The following TMEM207 variants were observed in gnomAD, a reference collection of about 807,000 sequenced individuals.
The protein encoded by TMEM207 is transmembrane protein 207.
In TMEM207, 15 loss-of-function variants were observed where a neutral mutation model predicts 17.4. That is an observed-to-expected ratio of 0.86 (90% CI 0.58 to 1.33). TMEM207 has a LOEUF of 1.33. Ranked by LOEUF, TMEM207 falls within the 40% of genes most tolerant of loss-of-function variation. TMEM207 has a pLI of 0.00. For missense variants in TMEM207, 205 were observed against 173.8 expected, an observed-to-expected ratio of 1.18 and a Z score of -1.01; for synonymous variants, 70 against 65.6, an observed-to-expected ratio of 1.07 and a Z score of -0.33.
rs1427820861 is a variant in TMEM207, at chr3:190,428,664, T to C, written c.*931A>G. On this transcript the variant is annotated 3_prime_UTR_variant, in exon 5 of 5. Transcript: ENST00000354905. ...GTTTGGTCAAACTAAATTTTAGATA[T>C]CTATTGATGTTTATTGTTTTGTTCA... is the stretch of plus-strand genomic sequence containing the variant. 8 of 152,174 alleles carry C rather than the reference T, an allele frequency of 5.3e-5. No homozygotes were observed. Among genetic ancestry groups the C allele is most frequent in the Non-Finnish European group, 8.8e-5 (6 of 68,028 alleles). 9.4% of individuals were successfully genotyped at this position (152,174 alleles called of 1,614,324 possible). A position where few individuals can be genotyped will look rare whatever the true frequency, so the allele number is the denominator to read the frequency against.
At chr3:190,439,050 G>A (rs181038218) in intron 4 of TMEM207, among the ~76,000 whole-genome samples, 3 of 151,680 alleles carry the variant, frequency 2.0e-5, no homozygotes, top group East Asian at 1.9e-4. Flanking sequence ...GGTGGCGGGC[G>A]CCTGTAGTCC....
intron 1 of TMEM207, 63 bp downstream of exon 1, chr3:190,449,672 T>C: frequency 6.8e-7 from 1 of 1,479,886 alleles, no homozygotes. Flanking sequence ...CTATAGCAAA[T>C]CAAGTCCTCA....
chr3:190,439,981 T>A (rs887021521), intron 4 of TMEM207, among the ~76,000 whole-genome samples: 17 of 152,186 alleles, frequency 1.1e-4, no homozygotes, highest in African/African-American at 4.1e-4. Flanking sequence ...CTTCTTCTCT[T>A]CTGCTTATTG....
intron 4 of TMEM207, among the ~76,000 whole-genome samples, chr3:190,436,185 T>C (rs1719799992): frequency 6.6e-6 from 1 of 152,184 alleles, no homozygotes; most frequent in South Asian, 2.1e-4. Context: ...GTAAAATAAG[T>C]TTTGGTAAAA....
At chr3:190,443,145 C>CTTTTTTTTTTTTTTTTTTTT (rs201791052) in intron 2 of TMEM207, among the ~76,000 whole-genome samples, 11 of 140,326 alleles carry the variant, frequency 7.8e-5, no homozygotes, top group African/African-American at 7.8e-5. Flanking sequence ...ATTAAAAAAG[C>CTTTTTTTTTTTTTTTTTTTT]TTTTTTTTTT....
chr3:190,447,889 A>G, intron 1 of TMEM207, 62 bp from the exon 2 acceptor site: 1 of 1,487,272 alleles, frequency 6.7e-7, no homozygotes, highest in Non-Finnish European at 9.2e-7. Flanking sequence ...CTTTAATACA[A>G]GCAGCGCCTA....
rs372537809 is a variant in TMEM207, at chr3:190,441,535, T to C, written c.114-53A>G. On this transcript the variant is annotated intron_variant, in intron 2 of 4. Coordinates refer to ENST00000354905, the MANE Select transcript of TMEM207 (RefSeq NM_207316.3). The stretch of plus-strand genomic sequence containing the variant: ...TGGAACTCAGGATAGCCAAAGCCTA[T>C]TTCTTTCACCCAATAAAATTGGTAC... The C allele has an allele frequency of 2.4e-3, 3,527 of 1,450,078 alleles. 30 individuals carry two copies. Among genetic ancestry groups the C allele is most frequent in the South Asian group, 0.019 (1,583 of 84,080 alleles). 89.8% of individuals were successfully genotyped at this position (1,450,078 alleles called of 1,614,324 possible). A position where few individuals can be genotyped will look rare whatever the true frequency, so the allele number is the denominator to read the frequency against.
At chr3:190,433,543 G>A (rs191530344) in intron 4 of TMEM207, among the ~76,000 whole-genome samples, 3 of 152,234 alleles carry the variant, frequency 2.0e-5, no homozygotes, top group Admixed American at 6.5e-5. Context: ...ACCACAAACA[G>A]TAGAGATTTG....
chr3:190,432,677 G>GCCTCC (rs1719716607), intron 4 of TMEM207, among the ~76,000 whole-genome samples: 1 of 152,152 alleles, frequency 6.6e-6, no homozygotes, highest in Admixed American at 6.5e-5. Flanking sequence ...GAAGAGAGCA[G>GCCTCC]AGCCTGTAAG....
chr3:190,441,450 C>T lies in TMEM207; in HGVS notation c.146G>A (p.Gly49Asp), dbSNP rs767390724. 1.2e-6 allele frequency: 2 copies of T among 1,611,840 alleles called. No homozygotes were observed. The highest frequency in any genetic ancestry group is 2.2e-5 in the East Asian group (1 of 44,850). ...CVNYNDQHPN[G>D]WYIWILLLLV... ...AAGATATCCTTACCAGATATACCAG[C>T]CATTAGGGTGTTGGTCATTATAATT... Residue 49 changes from glycine to aspartate, a missense_variant, in exon 3 of 5, where the codon GGC becomes GAC. Gly to Asp is a moderately conservative substitution (Grantham distance 94, BLOSUM62 -1). Coordinates refer to ENST00000354905, the MANE Select transcript of TMEM207 (RefSeq NM_207316.3).
At chr3:190,447,882 T>A in intron 1 of TMEM207, 55 bp from the exon 2 acceptor site, 1 of 1,528,524 alleles carries the variant, frequency 6.5e-7, no homozygotes, top group Non-Finnish European at 8.9e-7. Flanking sequence ...TCTAATCCTT[T>A]AATACAAGCA....
intron 1 of TMEM207, 122 bp from the exon 2 acceptor site, chr3:190,447,949 C>T (rs556193952): frequency 1.1e-5 from 9 of 839,014 alleles, no homozygotes; most frequent in Non-Finnish European, 1.6e-5. Context: ...ATTAAAAGCT[C>T]TATAGCAGAG....
At chr3:190,444,994 A>G (rs1269810396) in intron 2 of TMEM207, among the ~76,000 whole-genome samples, 1 of 152,198 alleles carries the variant, frequency 6.6e-6, no homozygotes, top group Admixed American at 6.5e-5. Context: ...CAAAGAATGA[A>G]TGGACTATGC....
intron 4 of TMEM207, among the ~76,000 whole-genome samples, chr3:190,438,016 T>C (rs1271858467): frequency 1.4e-5 from 2 of 146,578 alleles, no homozygotes; most frequent in African/African-American, 5.1e-5. Context: ...CCAAACACCG[T>C]GTGTTCTCAC....
chr3:190,449,801 T>C lies in TMEM207; in HGVS notation c.9A>G (p.Arg3=). 6.2e-7 allele frequency: 1 copy of C among 1,613,786 alleles called. No individual in the cohort carries two copies. The highest frequency in any genetic ancestry group is 8.5e-7 in the Non-Finnish European group (1 of 1,179,748). ...CTGAGGTGACACTGAAAAGTCTGGA[T>C]CTTGACATATTTAAAGGACAGTCAA... MS[R]SRLFSVTSAI... is the part of the protein sequence containing the mutation. The change falls in exon 1 of 5, where the codon AGA becomes AGG. Residue 3 remains arginine (R), a synonymous_variant. Coordinates refer to ENST00000354905, the MANE Select transcript of TMEM207 (RefSeq NM_207316.3).
rs370616396 is a variant in TMEM207, at chr3:190,429,800, G to A, written c.305-69C>T. On this transcript the variant is annotated intron_variant, in intron 4 of 4. Coordinates refer to ENST00000354905, the MANE Select transcript of TMEM207 (RefSeq NM_207316.3). ...TAAAACATAAGTACATGAACTGCCC[G>A]ATAAAATCTGGCATTGCTTGGATCG... is the stretch of plus-strand genomic sequence containing the variant. 13 of 1,438,706 alleles carry A rather than the reference G, an allele frequency of 9.0e-6. 1 individual carries two copies. Among genetic ancestry groups the A allele is most frequent in the South Asian group, 6.5e-5 (4 of 61,198 alleles). The allele number at this position is 1,438,706 out of a possible 1,614,324, so 89.1% of individuals were successfully genotyped here.
At chr3:190,438,827 C>T (rs1719859894) in intron 4 of TMEM207, among the ~76,000 whole-genome samples, 1 of 152,148 alleles carries the variant, frequency 6.6e-6, no homozygotes, top group Non-Finnish European at 1.5e-5. Flanking sequence ...CCTCTATGCC[C>T]TGTGGAAGGT....
At position 190,429,438 on chromosome 3, in the gene TMEM207, T is replaced by TA. The variant is rs1719642088; in HGVS notation, c.*156_*157insT. The TA allele has an allele frequency of 9.3e-7, 1 of 1,076,520 alleles. No individual in the cohort carries two copies. The highest frequency in any genetic ancestry group is 1.6e-5 in the African/African-American group (1 of 61,170). 66.7% of individuals were successfully genotyped at this position (1,076,520 alleles called of 1,614,324 possible). On this transcript the variant is annotated 3_prime_UTR_variant, in exon 5 of 5. Transcript: ENST00000354905. ...TATTTAAACATCTCCATGACCAAAA[T>TA]TTTTTCCAACATCCATTCTTTTGTC... is the stretch of plus-strand genomic sequence containing the variant.
rs1202105215 is a variant in TMEM207 at position 190,438,503 on chromosome 3, G to T, written c.304+1741C>A. On this transcript the variant is annotated intron_variant, in intron 4 of 4. Transcript: ENST00000354905. ...AATATAAAAACATTAGATAAAGAAG[G>T]GTATAACCATGGCACATAAGCTGCT... 2.6e-5 allele frequency among the ~76,000 whole-genome samples: 4 copies of T among 151,646 alleles called. No homozygotes were observed. In the South Asian group the frequency reaches 6.2e-4, roughly 24 times the overall value.
Sources: allele counts gnomAD v4.1 joint callset (sites outside exome capture counted in the v4.1 genomes callset), GRCh38; gene constraint gnomAD v4.1.1; transcripts MANE v1.5; gene names NCBI Gene and HGNC (gene_info 2026-07-23, HGNC 2026-07-21).